The following FSAF1 variants were observed in gnomAD, a reference collection of about 807,000 sequenced individuals.
FSAF1 encodes the protein 40S small subunit processome assembly factor 1.
chr1:231,241,136 C>G, the FSAF1 span: 1 of 1,610,212 alleles, frequency 6.2e-7, no homozygotes, highest in Non-Finnish European at 8.5e-7. Flanking sequence ...AGGAATCAAC[C>G]CTCATTCTGC....
chr1:231,228,465 G>A, the FSAF1 span, among the ~76,000 whole-genome samples: 1 of 152,038 alleles, frequency 6.6e-6, no homozygotes, highest in African/African-American at 2.4e-5. Context: ...TGGGTGTGGT[G>A]GCACACGCCT....
chr1:231,237,091 G>A, the FSAF1 span: 1 of 151,846 alleles, frequency 6.6e-6, no homozygotes, highest in Non-Finnish European at 1.5e-5. Flanking sequence ...ACTTCCTGAA[G>A]TCAAGCAATC....
At chr1:231,228,244 C>T in the FSAF1 span, among the ~76,000 whole-genome samples, 2 of 152,262 alleles carry the variant, frequency 1.3e-5, no homozygotes, top group South Asian at 2.1e-4. Flanking sequence ...TACTTACCAT[C>T]GTATCAGTGG....
the FSAF1 span, among the ~76,000 whole-genome samples, chr1:231,234,211 C>G: frequency 1.3e-5 from 2 of 152,200 alleles, no homozygotes; most frequent in Non-Finnish European, 2.9e-5. This position sits in a 1 kb window ranked among gnomAD's most constrained non-coding sequence, Gnocchi z 4.0. Flanking sequence ...CCCTTCTGAT[C>G]TACAGAACAC....
At chr1:231,229,204 A>G in the FSAF1 span, 2 of 1,575,786 alleles carry the variant, frequency 1.3e-6, no homozygotes, top group Non-Finnish European at 1.7e-6. Context: ...CACTAGGATT[A>G]GCCTGCTGAG....
At chr1:231,227,893 CTCA>C in the FSAF1 span, among the ~76,000 whole-genome samples, 2 of 152,130 alleles carry the variant, frequency 1.3e-5, no homozygotes, top group Non-Finnish European at 2.9e-5. Context: ...CCCGCCCTCT[CTCA>C]TGTTTAACTT....
chr1:231,235,790 G>A, the FSAF1 span, among the ~76,000 whole-genome samples: 1 of 152,124 alleles, frequency 6.6e-6, no homozygotes, highest in African/African-American at 2.4e-5. Context: ...GTGACAGAGT[G>A]ACACCCTGTC....
chr1:231,226,698 T>C, the FSAF1 span: 1 of 1,522,596 alleles, frequency 6.6e-7, no homozygotes, highest in South Asian at 1.1e-5. Flanking sequence ...AGCATCCATC[T>C]TCCCATTCTA....
At chr1:231,230,624 C>T in the FSAF1 span, among the ~76,000 whole-genome samples, 1 of 152,210 alleles carries the variant, frequency 6.6e-6, no homozygotes, top group Non-Finnish European at 1.5e-5. Context: ...ATGGAGTCCA[C>T]TTGCTCTCTC....
At chr1:231,227,965 G>A in the FSAF1 span, among the ~76,000 whole-genome samples, 38 of 152,254 alleles carry the variant, frequency 2.5e-4, no homozygotes, top group South Asian at 6.8e-3. Context: ...AGGATTCAAT[G>A]CAGAGCTCTG....
the FSAF1 span, chr1:231,226,487 G>A: frequency 1.8e-6 from 1 of 552,582 alleles, no homozygotes; most frequent in Non-Finnish European, 3.2e-6. Context: ...GCAGCATCAG[G>A]CATTCCTTTA....
At chr1:231,240,899 C>A in the FSAF1 span, 1 of 833,864 alleles carries the variant, frequency 1.2e-6, no homozygotes, top group Non-Finnish European at 2.0e-6. This position sits in a 1 kb window ranked among gnomAD's most constrained non-coding sequence, Gnocchi z 4.1. Context: ...CCAGGTGGGA[C>A]GAAGGGTGCT....
At chr1:231,226,921 C>G in the FSAF1 span, 1 of 1,609,240 alleles carries the variant, frequency 6.2e-7, no homozygotes, top group Admixed American at 1.7e-5. Flanking sequence ...TTTCCTTGCT[C>G]TTGCTTTTTT....
chr1:231,229,228 A>G, the FSAF1 span: 1 of 1,504,484 alleles, frequency 6.6e-7, no homozygotes. Context: ...AAAAATTCTT[A>G]TTTAGATCAT....
At chr1:231,224,190 T>C in the FSAF1 span, 3 of 1,397,950 alleles carry the variant, frequency 2.1e-6, no homozygotes, top group Admixed American at 7.7e-5. Flanking sequence ...AAATGCGTGT[T>C]AAGAACGATC....
At chr1:231,239,744 A>C in the FSAF1 span, among the ~76,000 whole-genome samples, 1 of 152,236 alleles carries the variant, frequency 6.6e-6, no homozygotes, top group Non-Finnish European at 1.5e-5. Flanking sequence ...CACATGTATT[A>C]CAAATACCAC....
At chr1:231,228,147 C>A in the FSAF1 span, among the ~76,000 whole-genome samples, 1 of 152,088 alleles carries the variant, frequency 6.6e-6, no homozygotes, top group African/African-American at 2.4e-5. Context: ...TCAGCAATAC[C>A]CACTCTTAGT....
the FSAF1 span, among the ~76,000 whole-genome samples, chr1:231,236,318 T>G: frequency 6.6e-6 from 1 of 152,152 alleles, no homozygotes; most frequent in Non-Finnish European, 1.5e-5. Context: ...GTTTTTAATG[T>G]GTCCACATTC....
the FSAF1 span, chr1:231,236,844 T>C: frequency 1.3e-5 from 2 of 152,174 alleles, no homozygotes; most frequent in African/African-American, 4.8e-5. Context: ...GATGGCCAGC[T>C]TCGGGGCTCT....
Sources: allele counts gnomAD v4.1 joint callset (sites outside exome capture counted in the v4.1 genomes callset), GRCh38; gene constraint gnomAD v4.1.1; non-coding constraint Gnocchi (gnomAD v3.1); transcripts MANE v1.5; gene names NCBI Gene and HGNC (gene_info 2026-07-23, HGNC 2026-07-21).